HMCN1: variants seen among roughly 807,000 people sequenced by gnomAD.
HMCN1 encodes the protein hemicentin 1.
A neutral mutation model predicts 625.9 loss-of-function variants in HMCN1; 321 were observed. The ratio of observed to expected loss-of-function variants is 0.51; its 90% CI spans 0.47 to 0.56. HMCN1 has a LOEUF of 0.56. Ranked by LOEUF, HMCN1 falls within the 20% of genes least tolerant of loss-of-function variation. The pLI, the probability that HMCN1 is intolerant of heterozygous loss-of-function variation, is 0.00. For missense variants in HMCN1, 6,588 were observed against 6,887.3 expected (o/e 0.96, Z 1.54); for synonymous variants, 2,425 against 2,417.6 (o/e 1.00, Z -0.09).
Position 186,017,017 on chromosome 1 carries a change from A to T in HMCN1, c.5246A>T (p.Asn1749Ile), listed in dbSNP as rs199797692. 1 of 1,610,620 alleles carries T rather than the reference A, an allele frequency of 6.2e-7. No homozygotes were observed. Among genetic ancestry groups the T allele is most frequent in the South Asian group, 1.1e-5 (1 of 91,030 alleles). Residue 1749 changes from asparagine (N) to isoleucine (I), a missense_variant, in exon 33 of 107, where the codon AAT (asparagine) becomes ATT (isoleucine). Transcript: ENST00000271588. ...ACATCTTACTTCATTGTGATGGTTA[A>T]TAACTTACTGGAGCTAGATTGTCAT... ...DETSYFIVMV[N>I]NLLELDCHVT... is the part of the protein sequence containing the mutation.
At chr1:186,173,660 A>AG (rs1652377009) in intron 102 of HMCN1, among the ~76,000 whole-genome samples, 3 of 151,092 alleles carry the variant, frequency 2.0e-5, no homozygotes, top group African/African-American at 7.3e-5. Flanking sequence ...AAAAAAGAAA[A>AG]AAGAAAAAAA....
At chr1:185,774,139 C>T (rs1219262563) in intron 1 of HMCN1, among the ~76,000 whole-genome samples, 1 of 152,068 alleles carries the variant, frequency 6.6e-6, no homozygotes, top group African/African-American at 2.4e-5. Context: ...GATCCCCTAA[C>T]CTCAAGAAAG....
In HMCN1 at chr1:185,925,053, C is replaced by T. The variant is rs1329580497; in HGVS notation, c.1292C>T (p.Pro431Leu). 1 of 1,610,860 alleles carries T rather than the reference C, an allele frequency of 6.2e-7. No individual in the cohort carries two copies. The highest frequency in any genetic ancestry group is 1.3e-5 in the African/African-American group (1 of 74,688). Reference protein sequence around the residue: ...VSFSSIVPDAPKVTMPEKTPG... With the variant: ...VSFSSIVPDALKVTMPEKTPG... The stretch of plus-strand genomic sequence containing the variant: ...TTTTTGTTTTTTTTCCTAGATGCTC[C>T]CAAAGTTACGATGCCTGAGAAAACC... The change falls in exon 9 of 107, where the codon CCC (proline) becomes CTC (leucine). Residue 431 changes from proline (P) to leucine (L), a missense_variant. Around this residue, in one of 3 missense-constraint regions of HMCN1, gnomAD observed 4,628 missense variants for 4,853.1 expected, o/e 0.95. Transcript: ENST00000271588.
intron 19 of HMCN1, among the ~76,000 whole-genome samples, chr1:185,986,405 G>T (rs961537339): frequency 2.6e-5 from 4 of 152,062 alleles, no homozygotes; most frequent in African/African-American, 9.7e-5. Context: ...TCCAGAGGAT[G>T]GAAAGGAAAC....
At chr1:186,077,542 C>CAG (rs1179975949) in intron 54 of HMCN1, among the ~76,000 whole-genome samples, 2 of 151,970 alleles carry the variant, frequency 1.3e-5, no homozygotes, top group Non-Finnish European at 2.9e-5. Context: ...ATACATATGA[C>CAG]AGAGAGAGAT....
intron 1 of HMCN1, among the ~76,000 whole-genome samples, chr1:185,770,661 T>C (rs1228583570): frequency 6.6e-6 from 1 of 152,146 alleles, no homozygotes; most frequent in Non-Finnish European, 1.5e-5. Flanking sequence ...CAATAAACTG[T>C]TTCTAAGTTA....
At chr1:186,055,099 T>A (rs1288151755) in intron 44 of HMCN1, among the ~76,000 whole-genome samples, 1 of 151,992 alleles carries the variant, frequency 6.6e-6, no homozygotes, top group Non-Finnish European at 1.5e-5. Context: ...AAGGCAGGGC[T>A]ACAAGTGATA....
chr1:185,804,515 T>C (rs16824516), intron 1 of HMCN1, among the ~76,000 whole-genome samples: 2 of 151,848 alleles, frequency 1.3e-5, no homozygotes, highest in Non-Finnish European at 2.9e-5. Flanking sequence ...GATCTCAGGA[T>C]TGATCATGGA....
chr1:186,076,922 T>C (rs1658851013), intron 54 of HMCN1, among the ~76,000 whole-genome samples: 1 of 152,188 alleles, frequency 6.6e-6, no homozygotes, highest in Admixed American at 6.6e-5. Context: ...ATAATCAGTT[T>C]GGTTTATATA....
At chr1:185,813,502 T>C (rs1659655471) in intron 1 of HMCN1, among the ~76,000 whole-genome samples, 1 of 152,110 alleles carries the variant, frequency 6.6e-6, no homozygotes, top group South Asian at 2.1e-4. Flanking sequence ...AGGTCAGCTT[T>C]GAATAAGCAT....
chr1:185,879,747 T>C (rs1009907954), intron 4 of HMCN1, among the ~76,000 whole-genome samples: 3 of 152,142 alleles, frequency 2.0e-5, no homozygotes, highest in East Asian at 1.9e-4. Context: ...ACCCAGTTGA[T>C]GGCAAGTTCA....
At position 185,875,426 on chromosome 1, in the gene HMCN1, T is replaced by C. The variant is rs371797977; in HGVS notation, c.621+9563T>C. Among the ~76,000 whole-genome samples, 43 of 152,206 alleles carry C rather than the reference T, an allele frequency of 2.8e-4. No individual in the cohort carries two copies. In the East Asian group the frequency reaches 8.1e-3, roughly 29 times the overall value. On this transcript the variant is annotated intron_variant, in intron 4 of 106. Transcript: ENST00000271588. ...TCTCAAGATGCCAGATTTTGGAATC[T>C]CTGAGGAGAGGGATCAAGTCTCCCC...
At chr1:185,820,510 A>T (rs1245421153) in intron 1 of HMCN1, among the ~76,000 whole-genome samples, 1 of 152,184 alleles carries the variant, frequency 6.6e-6, no homozygotes, top group South Asian at 2.1e-4. Context: ...TATTTATAAT[A>T]GAAGTAAGTG....
chr1:186,096,946 GA>G, intron 68 of HMCN1, among the ~76,000 whole-genome samples: 1 of 152,130 alleles, frequency 6.6e-6, no homozygotes, highest in African/African-American at 2.4e-5. Context: ...CACTAAACAG[GA>G]AAAAGTTGAA....
intron 15 of HMCN1, among the ~76,000 whole-genome samples, chr1:185,974,952 T>A (rs547316235): frequency 6.6e-6 from 1 of 152,194 alleles, no homozygotes; most frequent in Non-Finnish European, 1.5e-5. Flanking sequence ...AAAATTGAAA[T>A]CTGCCTTCAT....
chr1:185,917,295 T>C (rs1259956857), intron 6 of HMCN1, among the ~76,000 whole-genome samples: 1 of 152,194 alleles, frequency 6.6e-6, no homozygotes, highest in Non-Finnish European at 1.5e-5. Context: ...ATTATTGTTT[T>C]CTATGCCATA....
intron 20 of HMCN1, among the ~76,000 whole-genome samples, chr1:185,988,753 C>CAG (rs1652175455): frequency 6.6e-6 from 1 of 152,182 alleles, no homozygotes; most frequent in Non-Finnish European, 1.5e-5. Context: ...GCTTTGTGAT[C>CAG]TTGGGCAAAT....
intron 7 of HMCN1, among the ~76,000 whole-genome samples, chr1:185,923,032 A>G (rs1319697521): frequency 6.6e-6 from 1 of 152,206 alleles, no homozygotes; most frequent in Non-Finnish European, 1.5e-5. Flanking sequence ...AAAGAAGCTT[A>G]ACTATAATGT....
chr1:186,053,703 T>A (rs958773830), intron 43 of HMCN1, 122 bp from the exon 44 acceptor site: 22 of 927,214 alleles, frequency 2.4e-5, no homozygotes, highest in Non-Finnish European at 3.6e-5. Flanking sequence ...AGGGCAGGAT[T>A]ATTTTACAGT....
Sources: gnomAD v4.1 joint callset for allele counts (sites outside exome capture counted in the v4.1 genomes callset) on GRCh38, gnomAD v4.1.1 for gene constraint, gnomAD v4.1.1 regional missense constraint, MANE v1.5 for transcripts, NCBI Gene and HGNC (gene_info 2026-07-23, HGNC 2026-07-21) for gene names.